The following IQSEC1 variants were observed in gnomAD, a reference collection of about 807,000 sequenced individuals.
The protein encoded by IQSEC1 is IQ motif and Sec7 domain ArfGEF 1, also known as IQ motif and SEC7 domain-containing protein 1.
A neutral mutation model predicts 91.0 loss-of-function variants in IQSEC1; 31 were observed. The observed-to-expected ratio is 0.34, with a 90% confidence interval of 0.26 to 0.46. IQSEC1 has a LOEUF of 0.46. IQSEC1 is among the 20% of genes least tolerant of loss of function. The pLI is 1.00. For missense variants in IQSEC1, 1,388 were observed against 1,575.6 expected (o/e 0.88, Z 2.02); for synonymous variants, 699 against 662.6 (o/e 1.05, Z -0.84).
Position 12,899,526 on chromosome 3 carries a change from G to C in IQSEC1, c.*1457C>G. The C allele has an allele frequency of 6.5e-7, 1 of 1,536,006 alleles. No homozygotes were observed. The highest frequency in any genetic ancestry group is 8.8e-7 in the Non-Finnish European group (1 of 1,134,470). On this transcript the variant is annotated 3_prime_UTR_variant, in exon 14 of 14. Coordinates refer to ENST00000613206, the MANE Select transcript of IQSEC1 (RefSeq NM_001134382.3). ...CGCATGGTGTCACCACAACACAGAA[G>C]CGACAAGAGCACAGCTGAGAGTCAT...
At chr3:13,071,158 T>TTG (rs1445201204) in intron 1 of IQSEC1, among the ~76,000 whole-genome samples, 5 of 119,622 alleles carry the variant, frequency 4.2e-5, no homozygotes, top group Non-Finnish European at 7.2e-5. Flanking sequence ...TTTTTGTTTT[T>TTG]TTTTTTTTGT....
chr3:12,899,174 G>A lies in IQSEC1; in HGVS notation c.*1809C>T, dbSNP rs1266351413. 6.8e-6 allele frequency: 4 copies of A among 589,570 alleles called. No individual in the cohort carries two copies. Among genetic ancestry groups the A allele is most frequent in the Non-Finnish European group, 1.2e-5 (4 of 328,176 alleles). 36.5% of individuals were successfully genotyped at this position (589,570 alleles called of 1,614,324 possible). A position where few individuals can be genotyped will look rare whatever the true frequency, so the allele number is the denominator to read the frequency against. ...ATATGACCGAGGGTGGGAGGGATGT[G>A]AGGAGGGAAATCGGCAAAACCCTGG... is the stretch of plus-strand genomic sequence containing the variant. On this transcript the variant is annotated 3_prime_UTR_variant, in exon 14 of 14. Transcript: ENST00000613206.
intron 1 of IQSEC1, among the ~76,000 whole-genome samples, chr3:13,233,673 C>T (rs1284497532): frequency 1.3e-5 from 2 of 152,216 alleles, no homozygotes; most frequent in Non-Finnish European, 2.9e-5. Context: ...GGGGATTCTC[C>T]CTGCCACGTA....
At chr3:13,087,226 G>A (rs117671321) in intron 2 of IQSEC1, among the ~76,000 whole-genome samples, 10 of 152,314 alleles carry the variant, frequency 6.6e-5, no homozygotes, top group South Asian at 2.1e-4. Context: ...TATTTGCTGC[G>A]ACTTTAGTTA....
At chr3:13,160,680 T>C (rs1439539217) in intron 2 of IQSEC1, among the ~76,000 whole-genome samples, 1 of 152,234 alleles carries the variant, frequency 6.6e-6, no homozygotes, top group African/African-American at 2.4e-5. Flanking sequence ...GTTTCTGGCC[T>C]GAAAATATTT....
intron 1 of IQSEC1, among the ~76,000 whole-genome samples, chr3:12,955,732 C>T (rs902765577): frequency 4.6e-5 from 7 of 152,244 alleles, no homozygotes; most frequent in African/African-American, 1.4e-4. Context: ...CGAGCGCCAC[C>T]GGGCCAGGGC....
At chr3:13,060,169 G>A (rs1419574652) in intron 1 of IQSEC1, among the ~76,000 whole-genome samples, 1 of 152,230 alleles carries the variant, frequency 6.6e-6, no homozygotes, top group African/African-American at 2.4e-5. Flanking sequence ...CTGGGGCTCA[G>A]AGAGGTAAAG....
intron 2 of IQSEC1, among the ~76,000 whole-genome samples, chr3:13,107,844 G>A (rs1014457376): frequency 2.0e-5 from 3 of 152,300 alleles, no homozygotes; most frequent in South Asian, 4.1e-4. Context: ...ATACATGTCC[G>A]GAACGCCCAG....
At chr3:12,938,263 T>C (rs1370517935) in intron 2 of IQSEC1, among the ~76,000 whole-genome samples, 1 of 152,014 alleles carries the variant, frequency 6.6e-6, no homozygotes, top group Non-Finnish European at 1.5e-5. Context: ...GGCATGGAGG[T>C]CCTTGCCCTC....
At chr3:13,164,590 G>T (rs1313590342) in intron 1 of IQSEC1, among the ~76,000 whole-genome samples, 1 of 152,152 alleles carries the variant, frequency 6.6e-6, no homozygotes, top group Non-Finnish European at 1.5e-5. Context: ...TATTTCCCCA[G>T]AACCAGCTCT....
rs893283006 is a variant in IQSEC1, at chr3:12,971,768, T to A, written c.24-29903A>T. Reference sequence around the variant, plus strand: ...TTTTAAACAAGTGTTTGTTACTTTTTAAAAACCCAGTTATGGGCCAGGTGT... The same window carrying A: ...TTTTAAACAAGTGTTTGTTACTTTTAAAAAACCCAGTTATGGGCCAGGTGT... On this transcript the variant is annotated intron_variant, in intron 1 of 13. Coordinates refer to ENST00000613206, the MANE Select transcript of IQSEC1 (RefSeq NM_001134382.3). 7.9e-5 allele frequency among the ~76,000 whole-genome samples: 12 copies of A among 152,228 alleles called. 1 individual carries two copies. The highest frequency in any genetic ancestry group is 5.2e-4 in the Admixed American group (8 of 15,294).
rs535746733 is a variant in IQSEC1, at chr3:13,144,255, A to G, written c.302+19849T>C. Among the ~76,000 whole-genome samples the G allele has an allele frequency of 3.2e-4, 49 of 152,300 alleles. No individual in the cohort carries two copies. The South Asian group carries it at 8.7e-3, about 27-fold the overall frequency. ...GGAGGGAACTAGACCACGGCCGGCG[A>G]GCATGCAGCTGGACTGCACGCCCGG... On this transcript the variant is annotated intron_variant, in intron 2 of 15. Transcript: ENST00000648114.
At chr3:13,196,040 C>T (rs1007095970) in intron 1 of IQSEC1, among the ~76,000 whole-genome samples, 29 of 152,154 alleles carry the variant, frequency 1.9e-4, no homozygotes, top group Admixed American at 1.8e-3. Flanking sequence ...CTAAGAGTTT[C>T]GGTTTTTTAC....
intron 1 of IQSEC1, among the ~76,000 whole-genome samples, chr3:13,210,885 A>C (rs182634551): frequency 6.6e-6 from 1 of 152,290 alleles, no homozygotes; most frequent in East Asian, 1.9e-4. Flanking sequence ...TGTGGACTGA[A>C]AGGAACATGG....
chr3:13,081,572 AT>A (rs763665218), intron 2 of IQSEC1, among the ~76,000 whole-genome samples: 6 of 152,148 alleles, frequency 3.9e-5, no homozygotes, highest in South Asian at 2.1e-4. Flanking sequence ...CCTGGCCTCA[AT>A]TTTCTTTATT....
chr3:13,028,092 C>T (rs1404434765), intron 1 of IQSEC1, among the ~76,000 whole-genome samples: 1 of 152,174 alleles, frequency 6.6e-6, no homozygotes, highest in Admixed American at 6.5e-5. Flanking sequence ...CCCCTCAAAG[C>T]CCCGCAGGGC....
At chr3:13,242,121 C>T (rs915310422) in intron 1 of IQSEC1, among the ~76,000 whole-genome samples, 8 of 152,166 alleles carry the variant, frequency 5.3e-5, no homozygotes, top group Non-Finnish European at 8.8e-5. Flanking sequence ...ACCGTGCCAC[C>T]TTCACTGTGA....
intron 1 of IQSEC1, among the ~76,000 whole-genome samples, chr3:12,988,967 C>A (rs777876742): frequency 9.9e-5 from 15 of 152,220 alleles, no homozygotes; most frequent in Non-Finnish European, 1.9e-4. Context: ...CAGGAAGGAA[C>A]TTGCCCAACG....
At chr3:12,964,981 AT>A (rs1369698763) in intron 1 of IQSEC1, among the ~76,000 whole-genome samples, 5 of 152,188 alleles carry the variant, frequency 3.3e-5, no homozygotes, top group Non-Finnish European at 5.9e-5. Flanking sequence ...CTGTGTAAAT[AT>A]TAGCGCAACC....
Sources: allele counts gnomAD v4.1 joint callset (sites outside exome capture counted in the v4.1 genomes callset), GRCh38; gene constraint gnomAD v4.1.1; transcripts MANE v1.5; gene names NCBI Gene and HGNC (gene_info 2026-07-23, HGNC 2026-07-21).